PPP2R2D: variants seen among roughly 807,000 people sequenced by gnomAD.
The protein encoded by PPP2R2D is serine/threonine-protein phosphatase 2A 55 kDa regulatory subunit B delta isoform.
PPP2R2D carries 9 observed loss-of-function variants against 31.1 expected under a neutral mutation model. That is an observed-to-expected ratio of 0.29 (90% CI 0.17 to 0.51). The LOEUF (loss-of-function observed/expected upper bound fraction) is 0.51, where lower values mean the gene tolerates loss of function less well. Among genes scored for constraint, PPP2R2D ranks in the 20% least tolerant of loss-of-function variants. The pLI, the probability that PPP2R2D is intolerant of heterozygous loss-of-function variation, is 0.98. For synonymous variants in PPP2R2D, 179 were observed against 172.6 expected, an observed-to-expected ratio of 1.04 and a Z score of -0.29; for missense variants, 391 against 465.6, an observed-to-expected ratio of 0.84 and a Z score of 1.48.
At chr10:131,970,639 C>T in the PPP2R2D span, 4 of 1,613,714 alleles carry the variant, frequency 2.5e-6, no homozygotes, top group Admixed American at 6.7e-5. The surrounding 1 kb of genome is among the most constrained non-coding windows in gnomAD (Gnocchi z 4.1). Context: ...ATCACCTACC[C>T]CAATCCGATG....
chr10:131,951,735 G>A (rs1393564244), intron 8 of PPP2R2D, among the ~76,000 whole-genome samples: 25 of 152,228 alleles, frequency 1.6e-4, no homozygotes, highest in Admixed American at 1.3e-3. Context: ...CAGGAGAATC[G>A]CTTGAACCTT....
At chr10:131,968,715 C>T in the PPP2R2D span, 2 of 609,660 alleles carry the variant, frequency 3.3e-6, no homozygotes, top group African/African-American at 3.7e-5. Flanking sequence ...TGTAATGAAT[C>T]TATCTGTGAT....
chr10:131,911,531 C>G (rs1254004544), intron 2 of PPP2R2D: 3 of 152,190 alleles, frequency 2.0e-5, no homozygotes, highest in Admixed American at 6.5e-5. Context: ...GGCCTTTTTC[C>G]TTTTTCTTTC....
chr10:131,930,776 C>T (rs1041939822), intron 2 of PPP2R2D, among the ~76,000 whole-genome samples: 3 of 152,204 alleles, frequency 2.0e-5, no homozygotes, highest in South Asian at 2.1e-4. Context: ...AGCCTGGGAA[C>T]GGGGCCTTGG....
At chr10:131,960,771 T>C (rs1212349989), downstream of PPP2R2D, among the ~76,000 whole-genome samples, 1 of 152,224 alleles carries the variant, frequency 6.6e-6, no homozygotes, top group Non-Finnish European at 1.5e-5. Context: ...AAACCTGTGC[T>C]GTGCGTCCTT....
rs1554900658 is a variant in PPP2R2D at position 131,958,316 on chromosome 10, C to G, written c.*2353C>G. On this transcript the variant is annotated 3_prime_UTR_variant, in exon 9 of 9. Transcript: ENST00000455566. ...GAGATGAAGGTGTGTGCTGATCCCC[C>G]ATCCCCCTGTGGAGATGAAGGGGTG... The G allele has an allele frequency of 4.9e-5, 10 of 203,388 alleles. No homozygotes were observed. Among genetic ancestry groups the G allele is most frequent in the South Asian group, 1.4e-4 (2 of 14,450 alleles). The allele number at this position is 203,388 out of a possible 1,614,324, so 12.6% of individuals were successfully genotyped here. A position where few individuals can be genotyped will look rare whatever the true frequency, so the allele number is the denominator to read the frequency against.
intron 8 of PPP2R2D, among the ~76,000 whole-genome samples, chr10:131,953,418 T>C (rs1554899380): frequency 1.3e-5 from 1 of 79,766 alleles, no homozygotes; most frequent in Non-Finnish European, 2.3e-5. Flanking sequence ...AGCAGTGACT[T>C]GCGGGGGGTC....
At chr10:131,904,650 G>A (rs938747141) in intron 2 of PPP2R2D, among the ~76,000 whole-genome samples, 2 of 152,136 alleles carry the variant, frequency 1.3e-5, no homozygotes, top group African/African-American at 2.4e-5. Context: ...GTTTTGTTCT[G>A]GGCCAAGTTC....
chr10:131,937,291 A>G (rs2036361124), intron 3 of PPP2R2D, among the ~76,000 whole-genome samples: 1 of 152,158 alleles, frequency 6.6e-6, no homozygotes. Flanking sequence ...TCTTACAGGA[A>G]AGCCCAGCCA....
chr10:131,945,602 G>A lies in PPP2R2D; in HGVS notation c.820+143G>A. Reference sequence around the variant, plus strand: ...GGCCTCCCGAGTAGCTGGGACCACAGGCAGGTGCCACCATGCCCAGCTAGT... The same window carrying A: ...GGCCTCCCGAGTAGCTGGGACCACAAGCAGGTGCCACCATGCCCAGCTAGT... On this transcript the variant is annotated intron_variant, in intron 7 of 8. Transcript: ENST00000455566. The surrounding 1 kb of genome is among the most constrained non-coding windows in gnomAD (Gnocchi z 4.8). 1.1e-6 allele frequency: 1 copy of A among 924,770 alleles called. No individual in the cohort carries two copies. The highest frequency in any genetic ancestry group is 1.6e-6 in the Non-Finnish European group (1 of 632,654). The allele number at this position is 924,770 out of a possible 1,614,324, so 57.3% of individuals were successfully genotyped here.
chr10:131,919,305 G>A (rs2035912762), intron 2 of PPP2R2D, among the ~76,000 whole-genome samples: 1 of 118,002 alleles, frequency 8.5e-6, no homozygotes, highest in Admixed American at 8.4e-5. Flanking sequence ...TCAGGCAGGT[G>A]GAATGACACA....
the PPP2R2D span, chr10:131,968,845 C>G: frequency 3.1e-6 from 1 of 323,720 alleles, no homozygotes; most frequent in Non-Finnish European, 6.0e-6. Flanking sequence ...AAAGCTTCTG[C>G]TTTGTTCCAA....
At chr10:131,921,804 T>C (rs1356276506) in intron 2 of PPP2R2D, among the ~76,000 whole-genome samples, 1 of 152,220 alleles carries the variant, frequency 6.6e-6, no homozygotes, top group African/African-American at 2.4e-5. Flanking sequence ...TATAAAGCGC[T>C]TTTGATTTGC....
In PPP2R2D at chr10:131,956,198, A is replaced by G. The variant is rs2036794029; in HGVS notation, c.*235A>G. The stretch of plus-strand genomic sequence containing the variant: ...CGCTCTCGAAGCAGAGTTGACGGAC[A>G]CTGCTCCCAAAAGGTCATTACTCAG... On this transcript the variant is annotated 3_prime_UTR_variant, in exon 9 of 9. Coordinates refer to ENST00000455566, the MANE Select transcript of PPP2R2D (RefSeq NM_018461.5). 1 of 1,213,388 alleles carries G rather than the reference A, an allele frequency of 8.2e-7. No individual in the cohort carries two copies. The highest frequency in any genetic ancestry group is 1.0e-6 in the Non-Finnish European group (1 of 976,664). 75.2% of individuals were successfully genotyped at this position (1,213,388 alleles called of 1,614,324 possible).
intron 2 of PPP2R2D, among the ~76,000 whole-genome samples, chr10:131,903,390 C>G (rs1438076290): frequency 2.7e-5 from 4 of 149,308 alleles, no homozygotes; most frequent in African/African-American, 9.9e-5. Flanking sequence ...TCACTTGAAC[C>G]CGGGTGGTGG....
intron 2 of PPP2R2D, among the ~76,000 whole-genome samples, chr10:131,933,422 C>G (rs1554895995): frequency 6.6e-6 from 1 of 152,126 alleles, no homozygotes; most frequent in Non-Finnish European, 1.5e-5. Flanking sequence ...CCTGGGTGTG[C>G]CCAGGTCACT....
At chr10:131,914,178 T>G (rs2035733188) in intron 2 of PPP2R2D, among the ~76,000 whole-genome samples, 1 of 152,202 alleles carries the variant, frequency 6.6e-6, no homozygotes, top group Non-Finnish European at 1.5e-5. Context: ...GTAAAAGAGT[T>G]AACATTAATC....
intron 3 of PPP2R2D, among the ~76,000 whole-genome samples, chr10:131,937,160 A>G (rs1554896623): frequency 6.6e-6 from 1 of 152,158 alleles, no homozygotes; most frequent in African/African-American, 2.4e-5. Flanking sequence ...GCAGGGCCTG[A>G]GATTCAGGAG....
At chr10:131,913,091 C>G (rs937218105) in intron 2 of PPP2R2D, among the ~76,000 whole-genome samples, 1 of 152,092 alleles carries the variant, frequency 6.6e-6, no homozygotes, top group Non-Finnish European at 1.5e-5. Context: ...GGCACTATCT[C>G]GGCTCACTGC....
Sources: gnomAD v4.1 joint callset for allele counts (sites outside exome capture counted in the v4.1 genomes callset) on GRCh38, gnomAD v4.1.1 for gene constraint, Gnocchi (gnomAD v3.1) non-coding constraint, MANE v1.5 for transcripts, NCBI Gene and HGNC (gene_info 2026-07-23, HGNC 2026-07-21) for gene names.